The following SEL1L variants were observed in gnomAD, a reference collection of about 807,000 sequenced individuals.
SEL1L encodes the protein protein sel-1 homolog 1.
A neutral mutation model predicts 109.8 loss-of-function variants in SEL1L; 52 were observed. The ratio of observed to expected loss-of-function variants is 0.47; its 90% CI spans 0.38 to 0.60. SEL1L has a LOEUF of 0.60. Among genes scored for constraint, SEL1L ranks in the 20% least tolerant of loss-of-function variants. The pLI is 0.00. For missense variants in SEL1L, 749 were observed against 962.2 expected, an observed-to-expected ratio of 0.78 and a Z score of 2.93; for synonymous variants, 373 against 339.6, an observed-to-expected ratio of 1.10 and a Z score of -1.08.
chr14:81,509,797 C>T (rs1270435534), intron 3 of SEL1L, among the ~76,000 whole-genome samples: 2 of 152,144 alleles, frequency 1.3e-5, no homozygotes, highest in Non-Finnish European at 2.9e-5. Flanking sequence ...ATCTTCAGAT[C>T]CAGCTTTTCC....
Position 81,526,855 on chromosome 14 carries a change from T to C in SEL1L, c.218A>G (p.Gln73Arg). 1 of 1,601,132 alleles carries C rather than the reference T, an allele frequency of 6.2e-7. No homozygotes were observed. The highest frequency in any genetic ancestry group is 8.5e-7 in the Non-Finnish European group (1 of 1,175,310). Residue 73 changes from glutamine to arginine, a missense_variant, in exon 3 of 21, where the codon CAA becomes CGA. Physicochemically the swap from Gln to Arg is conservative, Grantham distance 43. Transcript: ENST00000336735. ...GCTCTTGAGGCTGTCTTCCTCTTCTTGAATAGAGGATTCTAATTCAGATTC... is the reference window on the plus strand; with the variant it reads ...GCTCTTGAGGCTGTCTTCCTCTTCTCGAATAGAGGATTCTAATTCAGATTC... ...SEESELESSIQEEEDSLKSQE... is the reference protein window; with the variant it reads ...SEESELESSIREEEDSLKSQE...
intron 3 of SEL1L, among the ~76,000 whole-genome samples, chr14:81,508,896 T>G (rs1884349050): frequency 6.6e-6 from 1 of 152,210 alleles, no homozygotes; most frequent in South Asian, 2.1e-4. Flanking sequence ...TTTCATGTGA[T>G]GAACTATACC....
intron 9 of SEL1L, 61 bp from the exon 10 acceptor site, chr14:81,498,107 G>C (rs991784919): frequency 2.0e-6 from 3 of 1,525,680 alleles, no homozygotes; most frequent in Admixed American, 1.9e-5. Context: ...TCCAGAGAGA[G>C]AGAAGTACAA....
chr14:81,506,323 T>C (rs1566978781), intron 3 of SEL1L, 82 bp from the exon 4 acceptor site: 3 of 1,281,006 alleles, frequency 2.3e-6, no homozygotes, highest in East Asian at 5.3e-5. Flanking sequence ...TTTTGGCTGT[T>C]GGAATTTGAA....
chr14:81,484,186 C>T, intron 19 of SEL1L, 39 bp downstream of exon 19: 1 of 1,569,886 alleles, frequency 6.4e-7, no homozygotes, highest in Non-Finnish European at 8.7e-7. Context: ...TCCCCAATCA[C>T]AATTATGTGA....
In SEL1L at chr14:81,472,482, T is replaced by C; in HGVS notation, c.*4490A>G. ...AATTGCACTTTGTGTACATGTTCAC[T>C]CTTGATTTAATATTTTTTCATTTCT... is the stretch of plus-strand genomic sequence containing the variant. On this transcript the variant is annotated 3_prime_UTR_variant, in exon 21 of 21. Transcript: ENST00000336735. 6.6e-6 allele frequency: 2 copies of C among 302,632 alleles called. No homozygotes were observed. Among genetic ancestry groups the C allele is most frequent in the Admixed American group, 4.7e-5 (1 of 21,196 alleles). 18.7% of individuals were successfully genotyped at this position (302,632 alleles called of 1,614,324 possible). A position where few individuals can be genotyped will look rare whatever the true frequency, so the allele number is the denominator to read the frequency against.
intron 10 of SEL1L, among the ~76,000 whole-genome samples, 172 bp from the exon 11 acceptor site, chr14:81,495,309 A>T (rs1883697340): frequency 6.6e-6 from 1 of 152,234 alleles, no homozygotes; most frequent in African/African-American, 2.4e-5. Context: ...TAACCTAAAA[A>T]TTTTGAAAAG....
intron 1 of SEL1L, among the ~76,000 whole-genome samples, chr14:81,528,975 A>G (rs1885222861): frequency 6.6e-6 from 1 of 152,164 alleles, no homozygotes; most frequent in African/African-American, 2.4e-5. Flanking sequence ...TATTTGAGGA[A>G]ACTAGTCCAT....
intron 11 of SEL1L, among the ~76,000 whole-genome samples, chr14:81,493,331 G>A (rs1378744797): frequency 6.6e-6 from 1 of 152,042 alleles, no homozygotes; most frequent in African/African-American, 2.4e-5. Flanking sequence ...CCAATATAGT[G>A]AAACTCCGTC....
At chr14:81,500,351 A>G (rs1172554832) in intron 6 of SEL1L, among the ~76,000 whole-genome samples, 2 of 152,170 alleles carry the variant, frequency 1.3e-5, no homozygotes, top group East Asian at 3.9e-4. Context: ...CTCCTGCCTC[A>G]GCCTCCCGAG....
chr14:81,530,839 G>GTGTA (rs1382544083), intron 1 of SEL1L, among the ~76,000 whole-genome samples: 1 of 152,204 alleles, frequency 6.6e-6, no homozygotes, highest in African/African-American at 2.4e-5. Context: ...GGGCTACATA[G>GTGTA]TGTAGCCTGT....
chr14:81,522,762 G>T (rs899079155), intron 3 of SEL1L, among the ~76,000 whole-genome samples: 1 of 152,136 alleles, frequency 6.6e-6, no homozygotes, highest in African/African-American at 2.4e-5. Context: ...ATAAAATGAC[G>T]TAGTACTTGC....
chr14:81,523,749 AT>A (rs1257045963), intron 3 of SEL1L, among the ~76,000 whole-genome samples: 1 of 152,186 alleles, frequency 6.6e-6, no homozygotes, highest in Non-Finnish European at 1.5e-5. Flanking sequence ...TCAGAATTGA[AT>A]TAAATCAGCA....
At position 81,531,740 on chromosome 14, in the gene SEL1L, G is replaced by A. The variant is rs781608728; in HGVS notation, c.70+1935C>T. Among the ~76,000 whole-genome samples the A allele has an allele frequency of 3.3e-5, 5 of 152,042 alleles. No individual in the cohort carries two copies. The South Asian group carries it at 8.3e-4, about 25-fold the overall frequency. On this transcript the variant is annotated intron_variant, in intron 1 of 20. Transcript: ENST00000336735. ...TGGAGTTACGTAGAGATGGGGTTTCGCCATGTTGCCCAGGTTGGTCTTGAA... is the reference window on the plus strand; with the variant it reads ...TGGAGTTACGTAGAGATGGGGTTTCACCATGTTGCCCAGGTTGGTCTTGAA...
intron 3 of SEL1L, among the ~76,000 whole-genome samples, chr14:81,506,738 G>A (rs1483684739): frequency 1.3e-5 from 2 of 152,176 alleles, no homozygotes; most frequent in Non-Finnish European, 2.9e-5. Flanking sequence ...ATGTATGGAA[G>A]TTACTTCTTT....
At chr14:81,501,088 T>C (rs749787799) in intron 6 of SEL1L, among the ~76,000 whole-genome samples, 42 of 152,212 alleles carry the variant, frequency 2.8e-4, no homozygotes, top group Non-Finnish European at 5.4e-4. Context: ...TAATGAATCC[T>C]GAGGCTCTCT....
chr14:81,533,615 G>C, intron 1 of SEL1L, 60 bp downstream of exon 1: 1 of 1,544,784 alleles, frequency 6.5e-7, no homozygotes, highest in Admixed American at 1.8e-5. Flanking sequence ...CGGCCCCGCC[G>C]GCTGTAGAGG....
At position 81,484,266 on chromosome 14, in the gene SEL1L, T is replaced by C; in HGVS notation, c.2005A>G (p.Asn669Asp). The change falls in exon 19 of 21, where the codon AAT becomes GAT. Residue 669 changes from asparagine (N) to aspartate (D), a missense_variant. Asn to Asp is a conservative substitution (Grantham distance 23). Around this residue, in one of 2 missense-constraint regions of SEL1L, gnomAD observed 383 missense variants for 562.5 expected, o/e 0.68. Coordinates refer to ENST00000336735, the MANE Select transcript of SEL1L (RefSeq NM_005065.6). Reference sequence around the variant, plus strand: ...CCTTTCTCATGCATATATCCCAGATTAAACATAGCTTGTGCACTGTGTTGC... The same window carrying C: ...CCTTTCTCATGCATATATCCCAGATCAAACATAGCTTGTGCACTGTGTTGC... ...EQQHSAQAMF[N>D]LGYMHEKGLG... is the part of the protein sequence containing the mutation. 1.2e-6 allele frequency: 2 copies of C among 1,614,022 alleles called. No homozygotes were observed. The highest frequency in any genetic ancestry group is 1.7e-6 in the Non-Finnish European group (2 of 1,179,872).
At chr14:81,532,667 C>G (rs1885374817) in intron 1 of SEL1L, among the ~76,000 whole-genome samples, 1 of 152,102 alleles carries the variant, frequency 6.6e-6, no homozygotes, top group Admixed American at 6.5e-5. Flanking sequence ...TGATTTACAA[C>G]TAGGACAGGT....
Sources: gnomAD v4.1 joint callset for allele counts (sites outside exome capture counted in the v4.1 genomes callset) on GRCh38, gnomAD v4.1.1 for gene constraint, gnomAD v4.1.1 regional missense constraint, MANE v1.5 for transcripts, NCBI Gene and HGNC (gene_info 2026-07-23, HGNC 2026-07-21) for gene names.